Variants in ZFAT observed in about 807,000 individuals in gnomAD.
The protein encoded by ZFAT is zinc finger protein ZFAT.
ZFAT carries 64 observed loss-of-function variants against 117.7 expected under a neutral mutation model. The ratio of observed to expected loss-of-function variants is 0.54; its 90% CI spans 0.44 to 0.67. ZFAT has a LOEUF of 0.67. Among genes scored for constraint, ZFAT ranks in the 30% least tolerant of loss-of-function variants. The pLI is 0.00. For synonymous variants in ZFAT, 679 were observed against 615.0 expected (o/e 1.10, Z -1.54); for missense variants, 1,433 against 1,584.5 (o/e 0.90, Z 1.62).
the ZFAT span, among the ~76,000 whole-genome samples, chr8:134,719,326 A>G: frequency 6.6e-6 from 1 of 152,146 alleles, no homozygotes. Context: ...TGGGCAATGA[A>G]GGTGTTGAGC....
chr8:134,780,424 A>T, the ZFAT span, among the ~76,000 whole-genome samples: 1 of 152,132 alleles, frequency 6.6e-6, no homozygotes, highest in Non-Finnish European at 1.5e-5. Context: ...GGCTTCTTTC[A>T]AGTTCCACCT....
intron 15 of ZFAT, among the ~76,000 whole-genome samples, chr8:134,496,206 G>C (rs953610677): frequency 6.6e-6 from 1 of 152,250 alleles, no homozygotes; most frequent in African/African-American, 2.4e-5. Context: ...GCCCCTTGGA[G>C]TAAGTTCCAT....
chr8:134,506,070 G>T (rs1008890587), intron 15 of ZFAT, among the ~76,000 whole-genome samples: 1 of 152,126 alleles, frequency 6.6e-6, no homozygotes, highest in Admixed American at 6.6e-5. Flanking sequence ...ATTTTCTTTG[G>T]TTTTTCTTTT....
In ZFAT at chr8:134,610,623, A is replaced by G; in HGVS notation, c.481T>C (p.Cys161Arg). ...NESDLELEKK[C>R]KEDDREKASK... is the part of the protein sequence containing the mutation. ...GCTTTTTCCCGATCATCTTCCTTACACTTCTTTTCTAGTTCAAGGTCAGAC... is the reference window on the plus strand; with the variant it reads ...GCTTTTTCCCGATCATCTTCCTTACGCTTCTTTTCTAGTTCAAGGTCAGAC... Residue 161 changes from cysteine (C) to arginine (R), a missense_variant, in exon 4 of 16, where the codon TGT (cysteine) becomes CGT (arginine). Cys to Arg is a radical substitution (Grantham distance 180). This residue lies in a region of ZFAT where 436 missense variants were observed against 482.0 expected (regional missense o/e 0.90). Coordinates refer to ENST00000377838, the MANE Select transcript of ZFAT (RefSeq NM_020863.4). 1.9e-6 allele frequency: 3 copies of G among 1,613,774 alleles called. No homozygotes were observed. Among genetic ancestry groups the G allele is most frequent in the Non-Finnish European group, 2.5e-6 (3 of 1,179,930 alleles).
intron 11 of ZFAT, 21 bp from the exon 12 acceptor site, chr8:134,532,993 G>C (rs549889613): frequency 1.3e-6 from 2 of 1,584,454 alleles, no homozygotes; most frequent in Non-Finnish European, 1.7e-6. Flanking sequence ...AATGAGGAGG[G>C]GTTAGGAAAG....
At chr8:134,641,522 G>A (rs769977572) in intron 2 of ZFAT, among the ~76,000 whole-genome samples, 1 of 152,144 alleles carries the variant, frequency 6.6e-6, no homozygotes, top group Non-Finnish European at 1.5e-5. Flanking sequence ...ACAGCTTGAT[G>A]TGAATTACAG....
At chr8:134,696,159 G>T (rs916379935) in intron 1 of ZFAT, among the ~76,000 whole-genome samples, 2 of 150,986 alleles carry the variant, frequency 1.3e-5, no homozygotes, top group African/African-American at 4.9e-5. Flanking sequence ...AACCAAGGAG[G>T]TGCCACCCCC....
chr8:134,797,072 C>T, the ZFAT span: 1 of 152,146 alleles, frequency 6.6e-6, no homozygotes, highest in African/African-American at 2.4e-5. Flanking sequence ...ACCCAACCCA[C>T]AAACTGTTTC....
chr8:134,491,100 A>G (rs1818024904), intron 15 of ZFAT, among the ~76,000 whole-genome samples: 2 of 152,264 alleles, frequency 1.3e-5, no homozygotes, highest in Admixed American at 6.5e-5. Context: ...AGTCACAAGG[A>G]TAAAAATAAA....
intron 3 of ZFAT, among the ~76,000 whole-genome samples, chr8:134,623,442 T>C (rs1015978617): frequency 8.5e-5 from 13 of 152,180 alleles, no homozygotes; most frequent in Non-Finnish European, 1.5e-4. Flanking sequence ...CTCTTGGATA[T>C]CCTGCAGTCC....
At chr8:134,499,577 GC>G (rs1288338386) in intron 15 of ZFAT, among the ~76,000 whole-genome samples, 3 of 150,694 alleles carry the variant, frequency 2.0e-5, no homozygotes, top group Non-Finnish European at 4.4e-5. Flanking sequence ...GAGCTGGGAT[GC>G]CCCCGCTGCT....
intron 1 of ZFAT, among the ~76,000 whole-genome samples, chr8:134,683,635 A>G (rs1332984430): frequency 6.6e-6 from 1 of 152,134 alleles, no homozygotes; most frequent in Non-Finnish European, 1.5e-5. Context: ...GTGTGGAAAG[A>G]GGACAGGTTA....
At chr8:134,787,181 C>G in the ZFAT span, among the ~76,000 whole-genome samples, 1 of 152,118 alleles carries the variant, frequency 6.6e-6, no homozygotes, top group East Asian at 1.9e-4. Flanking sequence ...TTTTGCCAGG[C>G]GAGTGATAAC....
At chr8:134,660,741 A>C (rs2131217719) in intron 1 of ZFAT, among the ~76,000 whole-genome samples, 1 of 152,370 alleles carries the variant, frequency 6.6e-6, no homozygotes, top group African/African-American at 2.4e-5. Flanking sequence ...TCTGGGGACC[A>C]CAGGGCTATT....
In ZFAT at chr8:134,478,702, C is replaced by A. The variant is rs780738447; in HGVS notation, c.3512G>T (p.Ser1171Ile). The change falls in exon 16 of 16, where the codon AGC becomes ATC. Residue 1171 changes from serine to isoleucine, a missense_variant. Coordinates refer to ENST00000377838, the MANE Select transcript of ZFAT (RefSeq NM_020863.4). This position sits in a 1 kb window ranked among gnomAD's most constrained non-coding sequence, Gnocchi z 5.2. ...VVKQVTEEEP[S>I]SNHTVMIQET... Reference sequence around the variant, plus strand: ...CTGGATCATGACCGTGTGGTTGGAGCTGGGCTCCTCCTCGGTGACCTGCGG... The same window carrying A: ...CTGGATCATGACCGTGTGGTTGGAGATGGGCTCCTCCTCGGTGACCTGCGG... The A allele has an allele frequency of 3.4e-5, 53 of 1,571,264 alleles. No homozygotes were observed. The highest frequency in any genetic ancestry group is 4.6e-5 in the Non-Finnish European group (53 of 1,158,414).
chr8:134,605,363 G>T (rs539107046), intron 5 of ZFAT, among the ~76,000 whole-genome samples: 1 of 152,046 alleles, frequency 6.6e-6, no homozygotes, highest in Non-Finnish European at 1.5e-5. Flanking sequence ...TGGCTAACAC[G>T]GTGAAACCCC....
chr8:134,564,266 C>T (rs1478610058), intron 11 of ZFAT, among the ~76,000 whole-genome samples: 3 of 152,074 alleles, frequency 2.0e-5, no homozygotes, highest in African/African-American at 7.2e-5. Flanking sequence ...TAGCCTTGGC[C>T]CTGCCTAAGC....
At chr8:134,604,195 C>G (rs961862334) in intron 5 of ZFAT, among the ~76,000 whole-genome samples, 3 of 152,294 alleles carry the variant, frequency 2.0e-5, no homozygotes, top group Non-Finnish European at 1.5e-5. Flanking sequence ...AGTATTTAAT[C>G]CCAACTGTAT....
intron 12 of ZFAT, among the ~76,000 whole-genome samples, chr8:134,529,914 T>C (rs988552432): frequency 1.3e-5 from 2 of 152,190 alleles, no homozygotes; most frequent in Admixed American, 6.5e-5. Context: ...GAGAATGCCA[T>C]AGTACCTTCC....
Sources: gnomAD v4.1 joint callset for allele counts (sites outside exome capture counted in the v4.1 genomes callset) on GRCh38, gnomAD v4.1.1 for gene constraint, gnomAD v4.1.1 regional missense constraint, Gnocchi (gnomAD v3.1) non-coding constraint, MANE v1.5 for transcripts, NCBI Gene and HGNC (gene_info 2026-07-23, HGNC 2026-07-21) for gene names.